Variants in KLHL22 observed in about 807,000 individuals in gnomAD.
The protein encoded by KLHL22 is kelch like family member 22.
Under a neutral mutation model 60.7 loss-of-function variants are expected in KLHL22, and 18 were observed. The observed-to-expected ratio is 0.30, with a 90% CI of 0.20 to 0.44. The LOEUF (loss-of-function observed/expected upper bound fraction) is 0.44, where lower values mean the gene tolerates loss of function less well. KLHL22 is among the 20% of genes least tolerant of loss of function. The pLI is 1.00. For synonymous variants in KLHL22, 355 were observed against 354.5 expected, an observed-to-expected ratio of 1.00 and a Z score of -0.01; for missense variants, 596 against 852.3, an observed-to-expected ratio of 0.70 and a Z score of 3.74.
chr22:20,466,360 C>T (rs927447460), intron 3 of KLHL22, among the ~76,000 whole-genome samples: 2 of 116,110 alleles, frequency 1.7e-5, no homozygotes, highest in Non-Finnish European at 3.3e-5. Context: ...GGTGACAGAG[C>T]GAGACTCCGT....
chr22:20,487,874 C>A (rs972376957), intron 2 of KLHL22, among the ~76,000 whole-genome samples: 3 of 152,158 alleles, frequency 2.0e-5, no homozygotes, highest in Non-Finnish European at 2.9e-5. Context: ...GGCTCCACAG[C>A]CTCTGGCCAT....
At chr22:20,483,283 A>G (rs2053534997) in intron 2 of KLHL22, 2 of 701,130 alleles carry the variant, frequency 2.9e-6, no homozygotes, top group African/African-American at 3.5e-5. Flanking sequence ...GCTCTCCTCA[A>G]TCTGCTGAGA....
At chr22:20,456,856 G>T (rs982048661) in intron 5 of KLHL22, among the ~76,000 whole-genome samples, 1 of 152,224 alleles carries the variant, frequency 6.6e-6, no homozygotes, top group African/African-American at 2.4e-5. Context: ...AGAGATACTG[G>T]AAAGAGGCTT....
intron 2 of KLHL22, 113 bp from the exon 3 acceptor site, chr22:20,471,628 A>G (rs1036005236): frequency 1.8e-6 from 2 of 1,142,016 alleles, no homozygotes; most frequent in African/African-American, 3.1e-5. Flanking sequence ...GGGCCCTGGT[A>G]GTGGGCTGAC....
intron 1 of KLHL22, chr22:20,491,994 C>T (rs1035149431): frequency 6.6e-6 from 1 of 152,242 alleles, no homozygotes; most frequent in Non-Finnish European, 1.5e-5. Flanking sequence ...CCACCTCTCA[C>T]TTAGGATTCT....
chr22:20,446,740 G>T, intron 5 of KLHL22, 64 bp from the exon 6 acceptor site: 1 of 1,312,798 alleles, frequency 7.6e-7, no homozygotes, highest in Non-Finnish European at 1.1e-6. Context: ...TGGGTACTCT[G>T]TCAAGGCCAA....
chr22:20,458,521 C>T (rs1328959112), intron 4 of KLHL22, among the ~76,000 whole-genome samples: 1 of 148,794 alleles, frequency 6.7e-6, no homozygotes, highest in Non-Finnish European at 1.5e-5. Context: ...ATCCTCCTGC[C>T]TCAGCCTCAA....
chr22:20,495,061 CT>C lies in KLHL22; in HGVS notation c.-34+698del, dbSNP rs529413747. Among the ~76,000 whole-genome samples, 61 of 152,324 alleles carry C rather than the reference CT, an allele frequency of 4.0e-4. 1 individual carries two copies. In the East Asian group the frequency reaches 0.011, roughly 27 times the overall value. ...TCCAAAGGGTGCGCTCTGGAAGAATCTCCCAGGGAGCCGTCTTGGAGGCACT... is the reference window on the plus strand; with the variant it reads ...TCCAAAGGGTGCGCTCTGGAAGAATCCCCAGGGAGCCGTCTTGGAGGCACT... On this transcript the variant is annotated intron_variant, in intron 1 of 6. Transcript: ENST00000328879. The surrounding 1 kb of genome is among the most constrained non-coding windows in gnomAD (Gnocchi z 4.6).
At chr22:20,455,566 T>C (rs2053050073) in intron 5 of KLHL22, among the ~76,000 whole-genome samples, 1 of 152,160 alleles carries the variant, frequency 6.6e-6, no homozygotes, top group South Asian at 2.1e-4. Flanking sequence ...TGAGACATGT[T>C]AACCACACCT....
intron 6 of KLHL22, 148 bp from the exon 7 acceptor site, chr22:20,442,586 A>C: frequency 9.8e-7 from 1 of 1,020,210 alleles, no homozygotes; most frequent in Non-Finnish European, 1.4e-6. Flanking sequence ...CCAGTGTTGA[A>C]ACATCCTGTC....
At chr22:20,494,297 A>C (rs979392588) in intron 1 of KLHL22, among the ~76,000 whole-genome samples, 43 of 152,092 alleles carry the variant, frequency 2.8e-4, no homozygotes, top group Admixed American at 8.5e-4. Flanking sequence ...CTGCAGTCTC[A>C]AGCTCCCAGG....
At chr22:20,490,610 C>T (rs915236624) in intron 1 of KLHL22, among the ~76,000 whole-genome samples, 1 of 152,200 alleles carries the variant, frequency 6.6e-6, no homozygotes, top group Non-Finnish European at 1.5e-5. Context: ...GCACTAGGGA[C>T]CACTTTCTTG....
At chr22:20,444,406 G>T (rs1001366019) in intron 6 of KLHL22, among the ~76,000 whole-genome samples, 1 of 152,268 alleles carries the variant, frequency 6.6e-6, no homozygotes, top group South Asian at 2.1e-4. Context: ...TGTGGTGATA[G>T]GTTACTGAAG....
intron 1 of KLHL22, among the ~76,000 whole-genome samples, chr22:20,490,494 C>T (rs1340439762): frequency 2.0e-5 from 3 of 152,214 alleles, no homozygotes; most frequent in East Asian, 3.9e-4. Flanking sequence ...CAGGAGACTT[C>T]TGTGACCAAA....
In KLHL22 at chr22:20,450,863, G is replaced by A. The variant is rs2052965815; in HGVS notation, c.1306-4187C>T. 8.1e-6 allele frequency: 13 copies of A among 1,610,710 alleles called. 1 individual carries two copies. The highest frequency in any genetic ancestry group is 1.1e-5 in the Non-Finnish European group (13 of 1,177,206). On this transcript the variant is annotated intron_variant, in intron 5 of 6. Transcript: ENST00000328879. ...TTCATCCACTATGGTTTACAATGCA[G>A]GGATCTGGTTGATGAAGCAAAGAAG...
chr22:20,461,932 C>G (rs2146209314), intron 4 of KLHL22, among the ~76,000 whole-genome samples: 1 of 152,172 alleles, frequency 6.6e-6, no homozygotes, highest in South Asian at 2.1e-4. Context: ...AACCCTATCT[C>G]TACTAAAAAT....
chr22:20,482,742 T>C, intron 2 of KLHL22: 1 of 556,206 alleles, frequency 1.8e-6, no homozygotes, highest in Non-Finnish European at 2.9e-6. Context: ...CTGGCTAATT[T>C]TTGTATTTTT....
At chr22:20,474,740 C>A (rs1486831883) in intron 2 of KLHL22, among the ~76,000 whole-genome samples, 1 of 152,224 alleles carries the variant, frequency 6.6e-6, no homozygotes, top group South Asian at 2.1e-4. Context: ...ATTTAGGTTA[C>A]TTGTAATTTC....
intron 2 of KLHL22, among the ~76,000 whole-genome samples, chr22:20,487,305 C>A (rs2053602076): frequency 6.6e-6 from 1 of 152,000 alleles, no homozygotes; most frequent in Admixed American, 6.6e-5. Flanking sequence ...GCAACCTCCG[C>A]ATCCTGTGTT....
Sources: gnomAD v4.1 joint callset for allele counts (sites outside exome capture counted in the v4.1 genomes callset) on GRCh38, gnomAD v4.1.1 for gene constraint, Gnocchi (gnomAD v3.1) non-coding constraint, MANE v1.5 for transcripts, NCBI Gene and HGNC (gene_info 2026-07-23, HGNC 2026-07-21) for gene names.